CDK8: variants seen among roughly 807,000 people sequenced by gnomAD.
The protein encoded by CDK8 is cyclin-dependent kinase 8.
A neutral mutation model predicts 71.5 loss-of-function variants in CDK8; 29 were observed. That is an observed-to-expected ratio of 0.41 (90% CI 0.30 to 0.55). The LOEUF is 0.55. Ranked by LOEUF, CDK8 falls within the 20% of genes least tolerant of loss-of-function variation. The probability of loss-of-function intolerance (pLI) is 0.37; values close to 1 mark genes in which losing one functional copy is unlikely to be tolerated. For synonymous variants in CDK8, 161 were observed against 192.1 expected (o/e 0.84, Z 1.34); for missense variants, 288 against 572.6 (o/e 0.50, Z 5.07).
intron 1 of CDK8, among the ~76,000 whole-genome samples, chr13:26,319,594 C>G (rs1565970852): frequency 6.6e-6 from 1 of 151,324 alleles, no homozygotes; most frequent in Non-Finnish European, 1.5e-5. Context: ...ATCCTATGTT[C>G]ATGAATTGGA....
Position 26,401,745 on chromosome 13 carries a change from C to T in CDK8, c.1269+121C>T. ...CTGTATACCCAGGGAAATACATTAA[C>T]ATGAAATGTTACTGGCATGGAAAAG... On this transcript the variant is annotated intron_variant, in intron 12 of 12. Coordinates refer to ENST00000381527, the MANE Select transcript of CDK8 (RefSeq NM_001260.3). The surrounding 1 kb of genome is among the most constrained non-coding windows in gnomAD (Gnocchi z 4.5). 1 of 1,026,346 alleles carries T rather than the reference C, an allele frequency of 9.7e-7. No homozygotes were observed. The highest frequency in any genetic ancestry group is 2.1e-4 in the Middle Eastern group (1 of 4,720). The allele number at this position is 1,026,346 out of a possible 1,614,324, so 63.6% of individuals were successfully genotyped here.
At chr13:26,359,648 T>G (rs930886294) in intron 4 of CDK8, 7 of 355,368 alleles carry the variant, frequency 2.0e-5, no homozygotes, top group Non-Finnish European at 3.9e-5. Context: ...TACTGAAGCC[T>G]GTGTTGTGAC....
chr13:26,361,813 T>G (rs1874155563), intron 4 of CDK8, among the ~76,000 whole-genome samples: 1 of 102,988 alleles, frequency 9.7e-6, no homozygotes, highest in Non-Finnish European at 1.9e-5. Flanking sequence ...TTTTTTTTTT[T>G]GAGACAGGGT....
At chr13:26,279,768 A>T (rs1398493476) in intron 1 of CDK8, among the ~76,000 whole-genome samples, 1 of 152,240 alleles carries the variant, frequency 6.6e-6, no homozygotes, top group African/African-American at 2.4e-5. Flanking sequence ...TATGAATTAT[A>T]AAACAGATGA....
chr13:26,261,461 C>G (rs1871768961), intron 1 of CDK8, among the ~76,000 whole-genome samples: 2 of 152,104 alleles, frequency 1.3e-5, no homozygotes, highest in African/African-American at 4.8e-5. Flanking sequence ...GCAGTCAGTC[C>G]CATTCCCCTC....
At chr13:26,339,165 A>G (rs777486932) in intron 2 of CDK8, among the ~76,000 whole-genome samples, 1 of 151,880 alleles carries the variant, frequency 6.6e-6, no homozygotes, top group Non-Finnish European at 1.5e-5. Context: ...TCTTATGGCT[A>G]TTTTCTGTAT....
intron 2 of CDK8, 144 bp from the exon 3 acceptor site, chr13:26,348,928 C>A: frequency 1.5e-6 from 1 of 661,154 alleles, no homozygotes; most frequent in Non-Finnish European, 2.7e-6. Flanking sequence ...ACTGAAGTAT[C>A]CGTCTCAGAA....
At chr13:26,360,982 G>A (rs1419756139) in intron 4 of CDK8, among the ~76,000 whole-genome samples, 1 of 152,070 alleles carries the variant, frequency 6.6e-6, no homozygotes, top group Non-Finnish European at 1.5e-5. Flanking sequence ...TAATGATATT[G>A]ACCTATTGAT....
intron 4 of CDK8, among the ~76,000 whole-genome samples, chr13:26,382,371 G>A (rs543249602): frequency 6.6e-6 from 1 of 152,010 alleles, no homozygotes; most frequent in African/African-American, 2.4e-5. Flanking sequence ...TTAAATGTAG[G>A]TGCATACTTT....
At chr13:26,347,763 G>GT (rs1329429656) in intron 2 of CDK8, among the ~76,000 whole-genome samples, 1 of 152,166 alleles carries the variant, frequency 6.6e-6, no homozygotes, top group East Asian at 1.9e-4. Flanking sequence ...TAGGATATAT[G>GT]TTAATTTTTA....
At chr13:26,352,254 C>T (rs977445613) in intron 3 of CDK8, among the ~76,000 whole-genome samples, 12 of 151,912 alleles carry the variant, frequency 7.9e-5, no homozygotes, top group African/African-American at 2.4e-4. Flanking sequence ...CTCGCTCTGT[C>T]GCCCAGGCTG....
At chr13:26,363,214 G>A (rs1032753335) in intron 4 of CDK8, among the ~76,000 whole-genome samples, 3 of 149,224 alleles carry the variant, frequency 2.0e-5, no homozygotes, top group Non-Finnish European at 3.0e-5. Flanking sequence ...TGTAGTCCCA[G>A]CTACTTGGGA....
intron 2 of CDK8, among the ~76,000 whole-genome samples, chr13:26,338,972 T>C (rs1040596275): frequency 8.6e-5 from 1 of 11,590 alleles, no homozygotes; most frequent in Non-Finnish European, 1.7e-4. Flanking sequence ...TAACAAACTG[T>C]TTTTTATTAG....
chr13:26,324,732 C>A, intron 1 of CDK8: 1 of 366,482 alleles, frequency 2.7e-6, no homozygotes, highest in Non-Finnish European at 3.8e-6. Context: ...AAATATGATT[C>A]TTGAAGATCC....
At chr13:26,366,863 G>C (rs1160149617) in intron 4 of CDK8, among the ~76,000 whole-genome samples, 1 of 152,128 alleles carries the variant, frequency 6.6e-6, no homozygotes, top group African/African-American at 2.4e-5. Context: ...TTTGAAATAA[G>C]ATCATTTTTT....
Position 26,399,461 on chromosome 13 carries a change from A to T in CDK8, c.934-992A>T, listed in dbSNP as rs564482460. On this transcript the variant is annotated intron_variant, in intron 9 of 12. Transcript: ENST00000381527. ...ATCAGAAACTCTGTGAGGAGGGCCC[A>T]GCAGTCTGTTTTAAGAAGTTCTCCA... Among the ~76,000 whole-genome samples the T allele has an allele frequency of 2.6e-5, 4 of 152,356 alleles. No individual in the cohort carries two copies. The East Asian group carries it at 7.7e-4, about 29-fold the overall frequency.
chr13:26,264,194 A>AT (rs1359359343), intron 1 of CDK8, among the ~76,000 whole-genome samples: 1 of 152,160 alleles, frequency 6.6e-6, no homozygotes, highest in Non-Finnish European at 1.5e-5. Flanking sequence ...CTTAATGTTG[A>AT]TTTTTTAAAG....
At chr13:26,278,277 G>A (rs1023693468) in intron 1 of CDK8, among the ~76,000 whole-genome samples, 4 of 152,218 alleles carry the variant, frequency 2.6e-5, no homozygotes, top group African/African-American at 7.2e-5. Context: ...TTGCTAAAAT[G>A]TGGAGATGGC....
chr13:26,395,766 G>C (rs139090704), intron 7 of CDK8, among the ~76,000 whole-genome samples: 59 of 152,142 alleles, frequency 3.9e-4, no homozygotes, highest in African/African-American at 1.4e-3. Context: ...TGTGCAAATA[G>C]TTATTACCCC....
Sources: allele counts gnomAD v4.1 joint callset (sites outside exome capture counted in the v4.1 genomes callset), GRCh38; gene constraint gnomAD v4.1.1; non-coding constraint Gnocchi (gnomAD v3.1); transcripts MANE v1.5; gene names NCBI Gene and HGNC (gene_info 2026-07-23, HGNC 2026-07-21).